The following STK40 variants were observed in gnomAD, a reference collection of about 807,000 sequenced individuals.
STK40 encodes serine/threonine-protein kinase 40.
In STK40, 13 loss-of-function variants were observed where a neutral mutation model predicts 47.9. The ratio of observed to expected loss-of-function variants is 0.27; its 90% CI spans 0.18 to 0.43. The LOEUF (loss-of-function observed/expected upper bound fraction) is 0.43. Among genes scored for constraint, STK40 ranks in the 20% least tolerant of loss-of-function variants. STK40 has a pLI of 1.00. For missense variants in STK40, 460 were observed against 595.1 expected (o/e 0.77, Z 2.36); for synonymous variants, 225 against 243.2 (o/e 0.93, Z 0.69).
rs542079507 is a variant in STK40, at chr1:36,346,396, A to T, written c.740-2132T>A. Among the ~76,000 whole-genome samples the T allele has an allele frequency of 2.5e-4, 38 of 152,226 alleles. No individual in the cohort carries two copies. The South Asian group carries it at 7.9e-3, about 32-fold the overall frequency. ...GAGGTCTGTAACTTCCCCCAAATTC[A>T]CATGGTTATTAGCCAGACTATCACC... On this transcript the variant is annotated intron_variant, in intron 7 of 10. Transcript: ENST00000373132.
intron 1 of STK40, among the ~76,000 whole-genome samples, chr1:36,364,105 C>T (rs1276630118): frequency 6.6e-6 from 1 of 151,886 alleles, no homozygotes; most frequent in Non-Finnish European, 1.5e-5. Flanking sequence ...GAGCTGAGAT[C>T]GCACCACTGT....
At chr1:36,368,281 A>AT (rs1304586030) in intron 1 of STK40, among the ~76,000 whole-genome samples, 2 of 151,558 alleles carry the variant, frequency 1.3e-5, no homozygotes, top group Admixed American at 6.6e-5. Flanking sequence ...TGCTATATAT[A>AT]TATTTTTTTT....
intron 1 of STK40, among the ~76,000 whole-genome samples, chr1:36,365,770 G>A (rs933068453): frequency 1.3e-5 from 2 of 152,156 alleles, no homozygotes; most frequent in African/African-American, 4.8e-5. Context: ...ATGGTGGTCT[G>A]TAATTTTCCT....
chr1:36,375,290 T>TGA (rs1421943663), intron 1 of STK40, among the ~76,000 whole-genome samples: 3 of 152,160 alleles, frequency 2.0e-5, no homozygotes, highest in African/African-American at 2.4e-5. Context: ...GTTGATCACC[T>TGA]GAGGTCAGGA....
At chr1:36,356,144 G>C (rs1340731658) in intron 4 of STK40, among the ~76,000 whole-genome samples, 1 of 152,154 alleles carries the variant, frequency 6.6e-6, no homozygotes, top group Non-Finnish European at 1.5e-5. Flanking sequence ...CACAGCCCAA[G>C]AGAAGTAAAT....
intron 1 of STK40, among the ~76,000 whole-genome samples, chr1:36,369,924 G>A (rs1333621708): frequency 1.3e-5 from 2 of 152,260 alleles, no homozygotes; most frequent in Non-Finnish European, 2.9e-5. Flanking sequence ...AGAGGTACAA[G>A]GTGTGATTCA....
intron 1 of STK40, among the ~76,000 whole-genome samples, chr1:36,365,297 C>T (rs548271565): frequency 6.6e-6 from 1 of 152,280 alleles, no homozygotes; most frequent in Admixed American, 6.5e-5. Flanking sequence ...CCTGTTTTGG[C>T]CCTTATTCTA....
intron 5 of STK40, 60 bp downstream of exon 5, chr1:36,355,146 C>G: frequency 2.6e-6 from 4 of 1,553,886 alleles, no homozygotes; most frequent in Non-Finnish European, 3.5e-6. Flanking sequence ...TTCTGCTCAG[C>G]AGCAGCAAGA....
chr1:36,360,791 C>T (rs893506770), intron 2 of STK40, among the ~76,000 whole-genome samples: 1 of 152,178 alleles, frequency 6.6e-6, no homozygotes, highest in Non-Finnish European at 1.5e-5. Context: ...GATCCTCTCA[C>T]CTCAGCCTCG....
chr1:36,341,642 G>C lies in STK40; in HGVS notation c.*113C>G, dbSNP rs759794230. The C allele has an allele frequency of 3.0e-6, 4 of 1,329,270 alleles. No individual in the cohort carries two copies. Among genetic ancestry groups the C allele is most frequent in the African/African-American group, 1.4e-5 (1 of 69,340 alleles). 82.3% of individuals were successfully genotyped at this position (1,329,270 alleles called of 1,614,324 possible). A position where few individuals can be genotyped will look rare whatever the true frequency, so the allele number is the denominator to read the frequency against. ...CCTGGGCTGTCCCTGTCCCTGCCCT[G>C]TCCCTATTGTGGCCCGGGAGAGTCC... On this transcript the variant is annotated 3_prime_UTR_variant, in exon 11 of 11. Coordinates refer to ENST00000373132, the MANE Select transcript of STK40 (RefSeq NM_001282547.2).
rs367709018 is a variant in STK40, at chr1:36,358,866, C to T, written c.113-44G>A. The T allele has an allele frequency of 2.2e-4, 356 of 1,612,046 alleles. No individual in the cohort carries two copies. The African/African-American group carries it at 4.1e-3, about 19-fold the overall frequency. On this transcript the variant is annotated intron_variant, in intron 2 of 10. Transcript: ENST00000373132. ...CTGGTCTACTTTTCAGAAGCCCTGGCTGTCACGACGCCAGGTCACCACGTG... is the reference window on the plus strand; with the variant it reads ...CTGGTCTACTTTTCAGAAGCCCTGGTTGTCACGACGCCAGGTCACCACGTG...
chr1:36,351,838 G>A (rs1244829658), intron 6 of STK40, among the ~76,000 whole-genome samples: 1 of 152,224 alleles, frequency 6.6e-6, no homozygotes, highest in Non-Finnish European at 1.5e-5. Flanking sequence ...AGCCCGGCAA[G>A]TTCCCATGAC....
At chr1:36,346,189 T>C (rs1646701402) in intron 7 of STK40, among the ~76,000 whole-genome samples, 1 of 150,474 alleles carries the variant, frequency 6.6e-6, no homozygotes, top group South Asian at 2.1e-4. Context: ...AGAAACAGGG[T>C]TTCACTGAGT....
intron 7 of STK40, among the ~76,000 whole-genome samples, chr1:36,347,559 C>T (rs558516494): frequency 1.5e-4 from 23 of 152,070 alleles, no homozygotes; most frequent in Non-Finnish European, 3.2e-4. Context: ...CACAGGGTAG[C>T]TGTGTGGTTT....
chr1:36,380,406 C>T (rs1418167613), intron 1 of STK40, among the ~76,000 whole-genome samples: 1 of 152,192 alleles, frequency 6.6e-6, no homozygotes, highest in Non-Finnish European at 1.5e-5. Flanking sequence ...CTTCAAGGGT[C>T]AAGGACACTG....
intron 4 of STK40, among the ~76,000 whole-genome samples, chr1:36,357,766 G>A (rs758749972): frequency 3.3e-5 from 5 of 152,158 alleles, no homozygotes; most frequent in African/African-American, 9.6e-5. Flanking sequence ...ACAGGTGTGC[G>A]CCGCCATGCC....
At chr1:36,362,726 G>T (rs1646863486) in intron 1 of STK40, 1 of 152,212 alleles carries the variant, frequency 6.6e-6, no homozygotes, top group Non-Finnish European at 1.5e-5. Context: ...TTACCTCCCA[G>T]ATATAACTGC....
chr1:36,367,245 G>A (rs1032307926), intron 1 of STK40, among the ~76,000 whole-genome samples: 4 of 152,112 alleles, frequency 2.6e-5, no homozygotes, highest in African/African-American at 9.7e-5. Flanking sequence ...GTGAGGGGAG[G>A]AGGCCAGGAA....
intron 4 of STK40, among the ~76,000 whole-genome samples, chr1:36,356,222 T>C (rs968287116): frequency 2.6e-5 from 4 of 152,084 alleles, no homozygotes; most frequent in African/African-American, 9.7e-5. Flanking sequence ...CTGCCACCAA[T>C]GTTGTGGCTG....
Sources: allele counts gnomAD v4.1 joint callset (sites outside exome capture counted in the v4.1 genomes callset), GRCh38; gene constraint gnomAD v4.1.1; transcripts MANE v1.5; gene names NCBI Gene and HGNC (gene_info 2026-07-23, HGNC 2026-07-21).